UBE3D: variants seen among roughly 807,000 people sequenced by gnomAD.
UBE3D encodes the protein ubiquitin protein ligase E3D, also known as E3 ubiquitin-protein ligase E3D.
Under a neutral mutation model 49.6 loss-of-function variants are expected in UBE3D, and 48 were observed. That is an observed-to-expected ratio of 0.97 (90% CI 0.77 to 1.23). UBE3D has a LOEUF of 1.23. Ranked by LOEUF, UBE3D falls within the 50% of genes most tolerant of loss-of-function variation. The pLI is 0.00. For synonymous variants in UBE3D, 189 were observed against 174.2 expected, an observed-to-expected ratio of 1.08 and a Z score of -0.67; for missense variants, 452 against 468.4, an observed-to-expected ratio of 0.96 and a Z score of 0.32.
At chr6:82,912,585 A>G (rs936060386) in intron 9 of UBE3D, among the ~76,000 whole-genome samples, 5 of 152,176 alleles carry the variant, frequency 3.3e-5, no homozygotes, top group Non-Finnish European at 5.9e-5. Context: ...GCGGAATATA[A>G]AAGACCTATC....
rs147189490 is a variant in UBE3D, at chr6:82,909,851, C to A, written c.1150-16809G>T. ...GTTGTTCCTGTGGGCACATCTGCTG[C>A]ACAGTAGGGGAATGAAATTGGATGC... On this transcript the variant is annotated intron_variant, in intron 9 of 9. Transcript: ENST00000369747. Among the ~76,000 whole-genome samples, 227 of 152,250 alleles carry A rather than the reference C, an allele frequency of 1.5e-3. 2 individuals are homozygous for A. Among genetic ancestry groups the A allele is most frequent in the African/African-American group, 5.2e-3 (217 of 41,554 alleles).
chr6:82,932,829 T>C (rs1432978764), intron 9 of UBE3D, among the ~76,000 whole-genome samples: 2 of 152,182 alleles, frequency 1.3e-5, no homozygotes. Flanking sequence ...TGTTTTCTGC[T>C]ACCAGGAAAT....
chr6:83,018,972 C>T lies in UBE3D; in HGVS notation c.1010+1G>A, dbSNP rs1780885974. 6.2e-7 allele frequency: 1 copy of T among 1,611,848 alleles called. No homozygotes were observed. Among genetic ancestry groups the T allele is most frequent in the East Asian group, 2.2e-5 (1 of 44,784 alleles). On this transcript the variant is annotated splice_donor_variant, in intron 8 of 9. Coordinates refer to ENST00000369747, the MANE Select transcript of UBE3D (RefSeq NM_198920.3). LOFTEE classifies it high-confidence loss of function. ...AAAGAGAAAACAAATGCACAACTTA[C>T]TTTTCATTCCTGCTTTTGATGCATG...
At chr6:82,984,275 T>C (rs1316361758) in intron 8 of UBE3D, among the ~76,000 whole-genome samples, 2 of 152,170 alleles carry the variant, frequency 1.3e-5, no homozygotes, top group African/African-American at 4.8e-5. Context: ...AAGAATATAA[T>C]TTATTCGGTC....
intron 5 of UBE3D, chr6:83,032,369 T>C (rs1037838022): frequency 6.9e-6 from 3 of 434,002 alleles, no homozygotes; most frequent in African/African-American, 4.0e-5. Context: ...ACTACTTTGC[T>C]GGATTTCAGA....
intron 8 of UBE3D, among the ~76,000 whole-genome samples, chr6:82,959,678 T>C (rs554521981): frequency 3.0e-4 from 42 of 139,766 alleles, no homozygotes; most frequent in Admixed American, 1.0e-3. Context: ...TCTGTTTCTT[T>C]GAATCCAGTG....
chr6:82,907,846 T>C (rs1388954737), intron 9 of UBE3D, among the ~76,000 whole-genome samples: 1 of 152,076 alleles, frequency 6.6e-6, no homozygotes, highest in African/African-American at 2.4e-5. Flanking sequence ...GATATGTACC[T>C]GAGAGAGATG....
intron 9 of UBE3D, among the ~76,000 whole-genome samples, chr6:82,911,401 C>A (rs1772516467): frequency 6.6e-6 from 1 of 152,088 alleles, no homozygotes; most frequent in South Asian, 2.1e-4. Context: ...TACCAATATA[C>A]TGCTTCTAAA....
chr6:83,019,964 A>C (rs1780971626), intron 7 of UBE3D, among the ~76,000 whole-genome samples: 1 of 152,216 alleles, frequency 6.6e-6, no homozygotes, highest in Admixed American at 6.5e-5. Flanking sequence ...AAGTCTGTGG[A>C]GAAGCGGGCA....
chr6:82,925,936 G>A (rs1207718027), intron 9 of UBE3D, among the ~76,000 whole-genome samples: 1 of 152,006 alleles, frequency 6.6e-6, no homozygotes, highest in African/African-American at 2.4e-5. Flanking sequence ...GGTCACACAG[G>A]TGGTTAAGTA....
At chr6:82,990,846 T>C (rs1281861152) in intron 8 of UBE3D, among the ~76,000 whole-genome samples, 2 of 152,220 alleles carry the variant, frequency 1.3e-5, no homozygotes, top group African/African-American at 4.8e-5. Flanking sequence ...GAAAAAGGCA[T>C]GAACCACAGA....
chr6:82,969,426 G>A (rs1777185528), intron 8 of UBE3D, among the ~76,000 whole-genome samples: 1 of 152,070 alleles, frequency 6.6e-6, no homozygotes, highest in African/African-American at 2.4e-5. Context: ...GGGCAACATA[G>A]TGAAATCCCG....
In UBE3D at chr6:83,038,398, T is replaced by C. The variant is rs112124064; in HGVS notation, c.667+18A>G. The C allele has an allele frequency of 1.8e-3, 2,900 of 1,605,978 alleles. 33 individuals carry two copies. The African/African-American group carries it at 0.033, about 18-fold the overall frequency. On this transcript the variant is annotated intron_variant, in intron 5 of 9. Transcript: ENST00000369747. ...GCAAGAAGCCAATCATTTTGGCTTC[T>C]TGTTATGAAATTCTTACCTGATGAC... is the stretch of plus-strand genomic sequence containing the variant.
chr6:82,955,112 G>A (rs1250901610), intron 9 of UBE3D, among the ~76,000 whole-genome samples: 2 of 152,100 alleles, frequency 1.3e-5, no homozygotes, highest in Admixed American at 1.3e-4. Flanking sequence ...CACTAATGCC[G>A]CCAATTGCAG....
intron 8 of UBE3D, among the ~76,000 whole-genome samples, chr6:82,979,829 G>GTTAAT (rs1310349882): frequency 6.6e-6 from 1 of 152,016 alleles, no homozygotes; most frequent in Admixed American, 6.6e-5. Context: ...CCACTTGTAA[G>GTTAAT]TAAGAACATG....
chr6:82,952,395 A>G (rs1775866748), intron 9 of UBE3D, among the ~76,000 whole-genome samples: 1 of 151,862 alleles, frequency 6.6e-6, no homozygotes, highest in South Asian at 2.1e-4. Context: ...AAAATTAGCT[A>G]TTATAATTTA....
intron 9 of UBE3D, among the ~76,000 whole-genome samples, chr6:82,912,969 C>T (rs1024367144): frequency 2.6e-5 from 4 of 152,160 alleles, no homozygotes; most frequent in African/African-American, 7.2e-5. Context: ...GCCACAGTAA[C>T]AATAAACCTA....
intron 9 of UBE3D, among the ~76,000 whole-genome samples, chr6:82,919,489 A>G (rs1455294466): frequency 6.6e-6 from 1 of 151,992 alleles, no homozygotes; most frequent in Non-Finnish European, 1.5e-5. Flanking sequence ...CTGTAGTCCC[A>G]GGTACTTGGG....
At chr6:82,967,944 T>G (rs1267546311) in intron 8 of UBE3D, among the ~76,000 whole-genome samples, 1 of 152,160 alleles carries the variant, frequency 6.6e-6, no homozygotes, top group Non-Finnish European at 1.5e-5. Context: ...ATACCTAGCT[T>G]TCATTCCTTT....
Sources: gnomAD v4.1 joint callset for allele counts (sites outside exome capture counted in the v4.1 genomes callset) on GRCh38, gnomAD v4.1.1 for gene constraint, MANE v1.5 for transcripts, NCBI Gene and HGNC (gene_info 2026-07-23, HGNC 2026-07-21) for gene names.